Variants in RNF38 observed in about 807,000 individuals in gnomAD.
RNF38 encodes the protein E3 ubiquitin-protein ligase RNF38.
In RNF38, 15 loss-of-function variants were observed where a neutral mutation model predicts 67.2. The ratio of observed to expected loss-of-function variants is 0.22; its 90% CI spans 0.15 to 0.34. RNF38 has a LOEUF of 0.34. Ranked by LOEUF, RNF38 falls within the 10% of genes least tolerant of loss-of-function variation. The pLI is 1.00. For synonymous variants in RNF38, 220 were observed against 218.8 expected (o/e 1.01, Z -0.05); for missense variants, 524 against 639.9 (o/e 0.82, Z 1.95).
Position 36,344,967 on chromosome 9 carries a change from A to C in RNF38, c.1264-14T>G. 3 of 1,597,786 alleles carry C rather than the reference A, an allele frequency of 1.9e-6. No homozygotes were observed. The highest frequency in any genetic ancestry group is 2.6e-6 in the Non-Finnish European group (3 of 1,172,326). On this transcript the variant is annotated splice_polypyrimidine_tract_variant and intron_variant, in intron 9 of 11. Transcript: ENST00000259605. ...GTTTAACAGGGCCTGCAGCGGTAAAAGACGACATATTTTCATCTATCTTTA... is the reference window on the plus strand; with the variant it reads ...GTTTAACAGGGCCTGCAGCGGTAAACGACGACATATTTTCATCTATCTTTA...
intron 1 of RNF38, among the ~76,000 whole-genome samples, chr9:36,432,697 G>T (rs565991057): frequency 7.7e-4 from 117 of 152,156 alleles, no homozygotes; most frequent in African/African-American, 2.7e-3. Context: ...GGAGGCTGAG[G>T]CAGGAGAATC....
chr9:36,440,970 T>C (rs1397528997), intron 1 of RNF38, among the ~76,000 whole-genome samples: 2 of 152,172 alleles, frequency 1.3e-5, no homozygotes, highest in African/African-American at 4.8e-5. Context: ...GAAAACTCCA[T>C]GGGCAGACAC....
intron 1 of RNF38, among the ~76,000 whole-genome samples, chr9:36,440,345 C>T (rs1839166117): frequency 6.6e-6 from 1 of 151,844 alleles, no homozygotes; most frequent in African/African-American, 2.4e-5. Flanking sequence ...GGAGCCTGAC[C>T]AAATGTCAAA....
At chr9:36,343,929 A>T (rs1168573439) in intron 10 of RNF38, among the ~76,000 whole-genome samples, 1 of 152,176 alleles carries the variant, frequency 6.6e-6, no homozygotes, top group Non-Finnish European at 1.5e-5. Flanking sequence ...GTTTTGTTTT[A>T]GGGTGATGCA....
chr9:36,365,999 A>AT (rs1360182796), intron 4 of RNF38, among the ~76,000 whole-genome samples: 1 of 152,010 alleles, frequency 6.6e-6, no homozygotes, highest in Admixed American at 6.6e-5. Context: ...TATTACTATG[A>AT]TTTTTTCAGT....
At chr9:36,377,177 A>C (rs909100393) in intron 2 of RNF38, among the ~76,000 whole-genome samples, 2 of 152,186 alleles carry the variant, frequency 1.3e-5, no homozygotes, top group Non-Finnish European at 2.9e-5. Context: ...CAAAAATATC[A>C]AAGTTACAAA....
At chr9:36,450,880 C>G (rs1437701605) in intron 1 of RNF38, among the ~76,000 whole-genome samples, 2 of 152,184 alleles carry the variant, frequency 1.3e-5, no homozygotes, top group Non-Finnish European at 2.9e-5. Context: ...TGCCATTGCA[C>G]TCCAGCCAAG....
intron 1 of RNF38, among the ~76,000 whole-genome samples, chr9:36,475,679 G>A (rs1382500439): frequency 6.6e-6 from 1 of 150,544 alleles, no homozygotes; most frequent in Non-Finnish European, 1.5e-5. Context: ...TTTTTTAGTG[G>A]CCAACAGAGA....
intron 2 of RNF38, among the ~76,000 whole-genome samples, chr9:36,380,491 C>T (rs1217289120): frequency 3.3e-5 from 5 of 149,946 alleles, no homozygotes; most frequent in African/African-American, 7.3e-5. Context: ...TGAGCCACTG[C>T]GCCCGGCCTG....
rs148883634 is a variant in RNF38, at chr9:36,353,139, G to C, written c.1071+31C>G. 738 of 1,586,454 alleles carry C rather than the reference G, an allele frequency of 4.7e-4. 2 individuals are homozygous for C. The East Asian group carries it at 0.011, about 24-fold the overall frequency. On this transcript the variant is annotated intron_variant, in intron 7 of 11. Coordinates refer to ENST00000259605, the MANE Select transcript of RNF38 (RefSeq NM_022781.5). ...CAGAACAAGTAAGTTGCCAAAGCAAGTAATTAACATAGTACTCTGTGAAAA... is the reference window on the plus strand; with the variant it reads ...CAGAACAAGTAAGTTGCCAAAGCAACTAATTAACATAGTACTCTGTGAAAA...
upstream of RNF38, among the ~76,000 whole-genome samples, chr9:36,402,565 T>C (rs1370525075): frequency 6.7e-6 from 1 of 149,826 alleles, no homozygotes; most frequent in Non-Finnish European, 1.5e-5. Flanking sequence ...CAAGCTTGGA[T>C]AGGACTATGT....
chr9:36,426,299 T>C (rs374809587), intron 1 of RNF38, among the ~76,000 whole-genome samples: 71 of 152,258 alleles, frequency 4.7e-4, no homozygotes, highest in Middle Eastern at 3.4e-3. Flanking sequence ...TTAGGACATT[T>C]TCACCACCCT....
chr9:36,450,332 T>A (rs868010373), intron 1 of RNF38, among the ~76,000 whole-genome samples: 2 of 152,138 alleles, frequency 1.3e-5, no homozygotes, highest in African/African-American at 4.8e-5. Context: ...TGCCACCAGG[T>A]GGCAAGAGAG....
At chr9:36,419,952 GAGA>G (rs1367303025) in intron 2 of RNF38, among the ~76,000 whole-genome samples, 2 of 152,152 alleles carry the variant, frequency 1.3e-5, no homozygotes, top group Non-Finnish European at 2.9e-5. Flanking sequence ...AAAAACTACC[GAGA>G]AGGACTGGTG....
Position 36,344,941 on chromosome 9 carries a change from G to A in RNF38, c.1276C>T (p.Leu426=). Residue 426 remains leucine (L), a synonymous_variant, in exon 10 of 12, where the codon CTG becomes TTG. Coordinates refer to ENST00000259605, the MANE Select transcript of RNF38 (RefSeq NM_022781.5). ...TTTGCCTCTCCCAGTCGCTCTGCCA[G>A]GTTTAACAGGGCCTGCAGCGGTAAA... ...EVENYEALLN[L]AERLGEAKPR... 6.2e-7 allele frequency: 1 copy of A among 1,612,794 alleles called. No individual in the cohort carries two copies. Among genetic ancestry groups the A allele is most frequent in the Middle Eastern group, 1.7e-4 (1 of 6,060 alleles).
chr9:36,407,611 G>A (rs1470758545), intron 2 of RNF38, among the ~76,000 whole-genome samples: 1 of 152,190 alleles, frequency 6.6e-6, no homozygotes, highest in Non-Finnish European at 1.5e-5. Context: ...TAACCAGGCA[G>A]GAGCTGACCC....
chr9:36,460,435 T>C (rs2134371208), intron 1 of RNF38, among the ~76,000 whole-genome samples: 1 of 152,278 alleles, frequency 6.6e-6, no homozygotes, highest in South Asian at 2.1e-4. Flanking sequence ...TAAGTGTGTG[T>C]GTGCAAGTGC....
chr9:36,476,755 T>C (rs921530931), intron 1 of RNF38, among the ~76,000 whole-genome samples: 1 of 151,990 alleles, frequency 6.6e-6, no homozygotes, highest in Admixed American at 6.6e-5. Context: ...CTCGAACTCC[T>C]GACCTCAGGT....
intron 1 of RNF38, among the ~76,000 whole-genome samples, chr9:36,397,953 C>G (rs192592741): frequency 1.6e-4 from 24 of 152,224 alleles, no homozygotes; most frequent in African/African-American, 5.8e-4. Flanking sequence ...TTTATACACT[C>G]TCTCCCTCTC....
Sources: allele counts gnomAD v4.1 joint callset (sites outside exome capture counted in the v4.1 genomes callset), GRCh38; gene constraint gnomAD v4.1.1; transcripts MANE v1.5; gene names NCBI Gene and HGNC (gene_info 2026-07-23, HGNC 2026-07-21).